The following PDE4D variants were observed in gnomAD, a reference collection of about 807,000 sequenced individuals.
The protein encoded by PDE4D is 3',5'-cyclic-AMP phosphodiesterase 4D.
Under a neutral mutation model 87.4 loss-of-function variants are expected in PDE4D, and 24 were observed. The ratio of observed to expected loss-of-function variants is 0.27; its 90% CI spans 0.20 to 0.39. PDE4D has a LOEUF of 0.39. Among genes scored for constraint, PDE4D ranks in the 10% least tolerant of loss-of-function variants. The pLI, the probability that PDE4D is intolerant of heterozygous loss-of-function variation, is 1.00. For missense variants in PDE4D, 714 were observed against 1,041.0 expected (o/e 0.69, Z 4.32); for synonymous variants, 384 against 383.2 (o/e 1.00, Z -0.02).
chr5:59,708,624 A>G (rs913797228), intron 1 of PDE4D, among the ~76,000 whole-genome samples: 1 of 152,128 alleles, frequency 6.6e-6, no homozygotes, highest in African/African-American at 2.4e-5. Context: ...TCATTACTAC[A>G]TTAGACATGA....
chr5:59,388,569 A>G (rs1010043378), intron 1 of PDE4D, among the ~76,000 whole-genome samples: 1 of 151,868 alleles, frequency 6.6e-6, no homozygotes, highest in Non-Finnish European at 1.5e-5. Flanking sequence ...TTACAATAGC[A>G]AAGATACAGA....
intron 1 of PDE4D, among the ~76,000 whole-genome samples, chr5:59,801,731 G>A (rs761949435): frequency 1.4e-4 from 21 of 152,012 alleles, no homozygotes; most frequent in South Asian, 2.1e-4. Context: ...AAAATCAGAC[G>A]ATTTGTTCCA....
At chr5:60,238,279 A>T (rs1390377346) in intron 1 of PDE4D, among the ~76,000 whole-genome samples, 1 of 151,992 alleles carries the variant, frequency 6.6e-6, no homozygotes, top group Non-Finnish European at 1.5e-5. Flanking sequence ...TTGCACAAAT[A>T]TCCCAGTTTT....
At chr5:60,176,329 C>T (rs575163433) in intron 2 of PDE4D, among the ~76,000 whole-genome samples, 89 of 152,156 alleles carry the variant, frequency 5.8e-4, no homozygotes, top group Middle Eastern at 6.8e-3. Context: ...GGTTGCCCTA[C>T]GACCTAAATT....
intron 5 of PDE4D, among the ~76,000 whole-genome samples, chr5:59,136,519 A>C (rs988834101): frequency 1.3e-5 from 2 of 152,242 alleles, no homozygotes; most frequent in Admixed American, 1.3e-4. Context: ...GTTTTTAGAC[A>C]TAACATAATG....
intron 6 of PDE4D, among the ~76,000 whole-genome samples, chr5:58,998,350 G>C (rs1749696371): frequency 6.6e-6 from 1 of 152,088 alleles, no homozygotes; most frequent in Non-Finnish European, 1.5e-5. Context: ...AACATCAGTT[G>C]TGAGCTGGCT....
intron 1 of PDE4D, among the ~76,000 whole-genome samples, chr5:60,210,116 A>T (rs1298442901): frequency 6.6e-6 from 1 of 152,168 alleles, no homozygotes; most frequent in East Asian, 1.9e-4. Context: ...GGAAAAAAAT[A>T]ATACTGCCAG....
intron 3 of PDE4D, among the ~76,000 whole-genome samples, chr5:59,902,710 C>G (rs1752404552): frequency 6.6e-6 from 1 of 152,088 alleles, no homozygotes; most frequent in Admixed American, 6.6e-5. Context: ...TCATCACCAG[C>G]AGAAGAGATG....
At chr5:59,117,807 C>CT (rs201039884) in intron 5 of PDE4D, among the ~76,000 whole-genome samples, 116,015 of 142,040 alleles carry the variant, frequency 0.82, 47,705 homozygotes, top group African/African-American at 0.84. Context: ...AGGTTTTTAA[C>CT]TTTTTTTTTT....
intron 1 of PDE4D, among the ~76,000 whole-genome samples, chr5:59,573,893 G>A (rs903625875): frequency 1.3e-5 from 2 of 149,658 alleles, no homozygotes; most frequent in Middle Eastern, 6.9e-3. Context: ...AGCAACTCGG[G>A]AGGCTGAGCT....
chr5:59,374,784 T>C (rs1018030488), intron 1 of PDE4D, among the ~76,000 whole-genome samples: 3 of 146,440 alleles, frequency 2.0e-5, no homozygotes, highest in African/African-American at 8.3e-5. Flanking sequence ...AGTAAAACAC[T>C]ACTCAGCAAA....
chr5:59,649,243 A>G (rs1742969869), intron 1 of PDE4D, among the ~76,000 whole-genome samples: 1 of 152,192 alleles, frequency 6.6e-6, no homozygotes, highest in Non-Finnish European at 1.5e-5. Context: ...ATTTTGAACC[A>G]CAGCCAAATT....
rs113286243 is a variant in PDE4D at position 59,752,922 on chromosome 5, G to A, written c.455+140246C>T. Among the ~76,000 whole-genome samples, 616 of 152,294 alleles carry A rather than the reference G, an allele frequency of 4.0e-3. 7 individuals are homozygous for A. Among genetic ancestry groups the A allele is most frequent in the African/African-American group, 0.014 (584 of 41,570 alleles). On this transcript the variant is annotated intron_variant, in intron 1 of 14. Transcript: ENST00000340635. ...GGTGTGAACTTTATCCTACAGGGCA[G>A]GGATCGGCAAATTACGGCCAGTGGG...
At chr5:59,987,427 T>C (rs991927435) in intron 3 of PDE4D, 4 of 152,164 alleles carry the variant, frequency 2.6e-5, no homozygotes, top group African/African-American at 7.2e-5. Flanking sequence ...ATTTATCTAG[T>C]AGTATTTTCC....
At chr5:59,098,352 T>C (rs769494643) in intron 5 of PDE4D, among the ~76,000 whole-genome samples, 10 of 152,098 alleles carry the variant, frequency 6.6e-5, no homozygotes, top group Admixed American at 2.0e-4. Context: ...GAAAGTGAAT[T>C]AGGCATCTAG....
chr5:59,688,845 G>T (rs1201153545), intron 1 of PDE4D, among the ~76,000 whole-genome samples: 2 of 151,838 alleles, frequency 1.3e-5, no homozygotes, highest in Non-Finnish European at 2.9e-5. Context: ...AAGAAGAAAG[G>T]GAGAAGAATC....
chr5:60,220,364 G>C (rs1384072268), intron 1 of PDE4D, among the ~76,000 whole-genome samples: 1 of 152,106 alleles, frequency 6.6e-6, no homozygotes, highest in African/African-American at 2.4e-5. Context: ...CATCTCTTCT[G>C]TTTCATCTCT....
At chr5:59,194,252 G>A (rs1055097378) in intron 2 of PDE4D, among the ~76,000 whole-genome samples, 1 of 152,180 alleles carries the variant, frequency 6.6e-6, no homozygotes, top group Non-Finnish European at 1.5e-5. Flanking sequence ...GGGGCCCAGG[G>A]TTCTTTTGTG....
At chr5:59,986,409 G>T (rs1582051833) in intron 3 of PDE4D, 1 of 152,258 alleles carries the variant, frequency 6.6e-6, no homozygotes, top group South Asian at 2.1e-4. Context: ...TAGGTATATT[G>T]CATCATTTTA....
Sources: gnomAD v4.1 joint callset for allele counts (sites outside exome capture counted in the v4.1 genomes callset) on GRCh38, gnomAD v4.1.1 for gene constraint, MANE v1.5 for transcripts, NCBI Gene and HGNC (gene_info 2026-07-23, HGNC 2026-07-21) for gene names.